The following ALK variants were observed in gnomAD, a reference collection of about 807,000 sequenced individuals.
ALK encodes the protein ALK tyrosine kinase receptor.
In ALK, 74 loss-of-function variants were observed where a neutral mutation model predicts 163.1. The ratio of observed to expected loss-of-function variants is 0.45; its 90% CI spans 0.38 to 0.55. ALK has a LOEUF of 0.55. Ranked by LOEUF, ALK falls within the 20% of genes least tolerant of loss-of-function variation. The pLI is 0.00. For missense variants in ALK, 2,063 were observed against 2,105.3 expected (o/e 0.98, Z 0.39); for synonymous variants, 960 against 843.2 (o/e 1.14, Z -2.40).
intron 4 of ALK, among the ~76,000 whole-genome samples, chr2:29,507,183 T>C (rs1322583135): frequency 6.6e-6 from 1 of 152,218 alleles, no homozygotes; most frequent in Non-Finnish European, 1.5e-5. Flanking sequence ...CAATGGAATA[T>C]TATTCAGCAT....
At position 29,193,290 on chromosome 2, in the gene ALK, A is replaced by G. The variant is rs1573077216; in HGVS notation, c.4797T>C (p.Pro1599=). Residue 1599 remains proline, a synonymous_variant, in exon 29 of 29, where the codon CCT becomes CCC. Coordinates refer to ENST00000389048, the MANE Select transcript of ALK (RefSeq NM_004304.5). ...TGGTATCCTCGTAATGACCAGCTCC[A>G]GGGGCAGTAGCGGCTTCTAAGGGCA... ...QGLPLEAATA[P]GAGHYEDTIL... The G allele has an allele frequency of 6.2e-7, 1 of 1,614,196 alleles. No homozygotes were observed.
chr2:29,341,210 T>C (rs1489698976), intron 5 of ALK, among the ~76,000 whole-genome samples: 1 of 152,230 alleles, frequency 6.6e-6, no homozygotes, highest in Non-Finnish European at 1.5e-5. Context: ...AGCTGGCATT[T>C]GTTCACATAA....
intron 3 of ALK, among the ~76,000 whole-genome samples, chr2:29,680,272 C>A (rs1678023903): frequency 6.6e-6 from 1 of 151,464 alleles, no homozygotes; most frequent in South Asian, 2.1e-4. Flanking sequence ...AAAATTTTGC[C>A]CCCCTTTTCT....
intron 5 of ALK, among the ~76,000 whole-genome samples, chr2:29,349,458 G>C (rs1050185351): frequency 2.0e-5 from 3 of 152,206 alleles, no homozygotes; most frequent in African/African-American, 7.2e-5. Context: ...GTCACAGTGG[G>C]GAAATCAGAG....
At chr2:29,572,617 C>A (rs1179431782) in intron 3 of ALK, among the ~76,000 whole-genome samples, 74 of 152,250 alleles carry the variant, frequency 4.9e-4, no homozygotes, top group Non-Finnish European at 7.4e-5. Flanking sequence ...CACCAGAGCA[C>A]CTCCCACAAA....
At chr2:29,230,930 C>T (rs1174899626) in intron 15 of ALK, among the ~76,000 whole-genome samples, 1 of 151,428 alleles carries the variant, frequency 6.6e-6, no homozygotes. Flanking sequence ...TCATCCTGCT[C>T]AGCCCCCAGC....
chr2:29,336,675 G>A (rs1184645523), intron 5 of ALK, among the ~76,000 whole-genome samples: 1 of 152,152 alleles, frequency 6.6e-6, no homozygotes, highest in African/African-American at 2.4e-5. Context: ...TCTTTCAATC[G>A]TGTTTTAGAG....
At chr2:29,430,109 T>C (rs1383135830) in intron 4 of ALK, among the ~76,000 whole-genome samples, 4 of 152,120 alleles carry the variant, frequency 2.6e-5, no homozygotes, top group Non-Finnish European at 4.4e-5. Context: ...GAAGGAAATA[T>C]AGGAGTGAAT....
intron 1 of ALK, among the ~76,000 whole-genome samples, chr2:29,878,250 A>C (rs1328039913): frequency 6.6e-6 from 1 of 152,196 alleles, no homozygotes; most frequent in East Asian, 1.9e-4. Flanking sequence ...CCACCGAGGA[A>C]GGGCAAGAGG....
intron 1 of ALK, among the ~76,000 whole-genome samples, chr2:29,870,319 T>C (rs907490181): frequency 1.1e-4 from 16 of 152,206 alleles, no homozygotes; most frequent in Non-Finnish European, 2.1e-4. Flanking sequence ...TGGCAGAAAG[T>C]GAAGTGGAAG....
intron 3 of ALK, among the ~76,000 whole-genome samples, chr2:29,679,290 T>C (rs552906514): frequency 6.6e-6 from 1 of 152,044 alleles, no homozygotes; most frequent in South Asian, 2.1e-4. Flanking sequence ...ACATTTCATC[T>C]TCCTTTTTAT....
At chr2:29,827,342 G>A (rs1187299403) in intron 1 of ALK, among the ~76,000 whole-genome samples, 2 of 152,182 alleles carry the variant, frequency 1.3e-5, no homozygotes, top group African/African-American at 4.8e-5. Flanking sequence ...AAACCCAATT[G>A]ACCTTCAAAG....
At chr2:29,601,406 T>A (rs1675376553) in intron 3 of ALK, among the ~76,000 whole-genome samples, 1 of 152,122 alleles carries the variant, frequency 6.6e-6, no homozygotes, top group African/African-American at 2.4e-5. Flanking sequence ...AGGGTTATCT[T>A]GAGTATCAAA....
chr2:29,705,057 AAAAT>A (rs1283488735), intron 2 of ALK, among the ~76,000 whole-genome samples: 1 of 151,058 alleles, frequency 6.6e-6, no homozygotes, highest in Non-Finnish European at 1.5e-5. Context: ...GTCTCTACTA[AAAAT>A]ACAAAAATTA....
At chr2:29,507,176 T>C (rs1235375286) in intron 4 of ALK, among the ~76,000 whole-genome samples, 1 of 152,224 alleles carries the variant, frequency 6.6e-6, no homozygotes, top group Non-Finnish European at 1.5e-5. Flanking sequence ...ATACATACAA[T>C]GGAATATTAT....
chr2:29,549,133 C>T (rs12467264), intron 3 of ALK, among the ~76,000 whole-genome samples: 50,943 of 127,578 alleles, frequency 0.4, 9,938 homozygotes, highest in East Asian at 0.67. Flanking sequence ...TGCTGATCTA[C>T]AGGTACACAC....
At chr2:29,424,288 T>C (rs992006845) in intron 4 of ALK, among the ~76,000 whole-genome samples, 4 of 152,194 alleles carry the variant, frequency 2.6e-5, no homozygotes, top group Admixed American at 6.5e-5. Flanking sequence ...ATATCAAAGA[T>C]GACCAACCTA....
At chr2:29,866,792 C>T (rs1666447106) in intron 1 of ALK, among the ~76,000 whole-genome samples, 1 of 152,172 alleles carries the variant, frequency 6.6e-6, no homozygotes. Context: ...AAATGAGCCA[C>T]ATGGAGCACA....
rs146992197 is a variant in ALK at position 29,831,028 on chromosome 2, AAGG to A, written c.667+88962_667+88964del. Among the ~76,000 whole-genome samples, 11 of 36,560 alleles carry A rather than the reference AAGG, an allele frequency of 3.0e-4. 3 individuals carry two copies. The highest frequency in any genetic ancestry group is 9.3e-4 in the African/African-American group (11 of 11,846). The allele number at this position is 36,560 out of a possible 152,430, so 24.0% of individuals were successfully genotyped here. On this transcript the variant is annotated intron_variant, in intron 1 of 28. Transcript: ENST00000389048. The stretch of plus-strand genomic sequence containing the variant: ...GAAGAAGAAGGGGAAGAGGAAGGGG[AAGG>A]AGGAGGAGGAGGAGAAGGAGAAGAG...
Sources: allele counts gnomAD v4.1 joint callset (sites outside exome capture counted in the v4.1 genomes callset), GRCh38; gene constraint gnomAD v4.1.1; transcripts MANE v1.5; gene names NCBI Gene and HGNC (gene_info 2026-07-23, HGNC 2026-07-21).